PPFIA2: variants seen among roughly 807,000 people sequenced by gnomAD.
PPFIA2 encodes liprin-alpha-2.
A neutral mutation model predicts 175.5 loss-of-function variants in PPFIA2; 46 were observed. The observed-to-expected ratio is 0.26, with a 90% CI of 0.21 to 0.34. The LOEUF is 0.34. PPFIA2 is among the 10% of genes least tolerant of loss of function. The probability of loss-of-function intolerance (pLI) is 1.00; values close to 1 mark genes in which losing one functional copy is unlikely to be tolerated. For missense variants in PPFIA2, 1,179 were observed against 1,506.1 expected, an observed-to-expected ratio of 0.78 and a Z score of 3.60; for synonymous variants, 568 against 511.4, an observed-to-expected ratio of 1.11 and a Z score of -1.49.
chr12:81,351,318 T>C (rs1595364193), intron 17 of PPFIA2, among the ~76,000 whole-genome samples: 1 of 152,140 alleles, frequency 6.6e-6, no homozygotes, highest in Non-Finnish European at 1.5e-5. Context: ...CTCACAGATA[T>C]AGTAAGCCTT....
At chr12:81,294,038 CA>C (rs5799520) in intron 24 of PPFIA2, among the ~76,000 whole-genome samples, 138,174 of 151,894 alleles carry the variant, frequency 0.91, 63,545 homozygotes, top group South Asian at 0.98. Context: ...AACTTGGAAA[CA>C]AAAAAAAATC....
At chr12:81,535,994 T>TA (rs1007021961) in intron 4 of PPFIA2, among the ~76,000 whole-genome samples, 3 of 151,816 alleles carry the variant, frequency 2.0e-5, no homozygotes, top group East Asian at 3.9e-4. Context: ...AGGCAGGTCA[T>TA]AAAAAACAAG....
chr12:81,732,537 A>C (rs995785865), intron 3 of PPFIA2, among the ~76,000 whole-genome samples: 1 of 150,454 alleles, frequency 6.6e-6, no homozygotes, highest in Non-Finnish European at 1.5e-5. Context: ...AAACACTCAC[A>C]CACACAACAG....
chr12:81,273,700 A>C (rs1270498981), intron 28 of PPFIA2, among the ~76,000 whole-genome samples: 1 of 152,148 alleles, frequency 6.6e-6, no homozygotes, highest in Non-Finnish European at 1.5e-5. Context: ...TGTGGATAGA[A>C]TGATCTCATT....
intron 3 of PPFIA2, among the ~76,000 whole-genome samples, chr12:81,689,090 G>T (rs577676539): frequency 2.0e-5 from 3 of 149,472 alleles, no homozygotes; most frequent in East Asian, 4.1e-4. Context: ...GGAGGAATTA[G>T]ATAGAGCTAG....
chr12:81,569,273 A>G (rs745957304), intron 4 of PPFIA2, among the ~76,000 whole-genome samples: 8 of 152,098 alleles, frequency 5.3e-5, no homozygotes, highest in Non-Finnish European at 1.2e-4. Context: ...TTACAATTTG[A>G]AGAAACTTTA....
chr12:81,750,498 A>G (rs1219122343), intron 3 of PPFIA2, among the ~76,000 whole-genome samples: 1 of 106,744 alleles, frequency 9.4e-6, no homozygotes, highest in Non-Finnish European at 2.3e-5. Context: ...TTGGAGGTAG[A>G]TGATGACTGG....
At chr12:81,457,310 A>T (rs1486385198) in intron 5 of PPFIA2, among the ~76,000 whole-genome samples, 1 of 151,282 alleles carries the variant, frequency 6.6e-6, no homozygotes, top group Non-Finnish European at 1.5e-5. Context: ...TTTTAAAAAA[A>T]TCTTCTGCTG....
chr12:81,315,146 G>T (rs2052009156), intron 22 of PPFIA2, among the ~76,000 whole-genome samples: 1 of 151,800 alleles, frequency 6.6e-6, no homozygotes, highest in African/African-American at 2.4e-5. Flanking sequence ...ATCAGCAGAA[G>T]ATTCAAGTTT....
At chr12:81,270,386 C>A (rs1164603385) in intron 28 of PPFIA2, among the ~76,000 whole-genome samples, 1 of 152,084 alleles carries the variant, frequency 6.6e-6, no homozygotes, top group Non-Finnish European at 1.5e-5. Flanking sequence ...GCCCTAACTT[C>A]CAGTACCTAA....
chr12:81,580,719 T>G (rs1049349392), intron 4 of PPFIA2, among the ~76,000 whole-genome samples: 1 of 151,794 alleles, frequency 6.6e-6, no homozygotes, highest in Admixed American at 6.6e-5. Flanking sequence ...ATACTTCATA[T>G]TCTATAGAAA....
intron 4 of PPFIA2, among the ~76,000 whole-genome samples, chr12:81,601,531 C>CGAGT (rs1364542308): frequency 4.0e-5 from 6 of 151,858 alleles, no homozygotes; most frequent in Non-Finnish European, 1.5e-5. Flanking sequence ...AAAACACATC[C>CGAGT]CTTTAACTCA....
chr12:81,599,158 C>T (rs925958950), intron 4 of PPFIA2, among the ~76,000 whole-genome samples: 5 of 151,988 alleles, frequency 3.3e-5, no homozygotes, highest in Admixed American at 6.6e-5. Context: ...ATTTACACAT[C>T]GTTCAAATGT....
chr12:81,437,618 A>G (rs1319354108), intron 7 of PPFIA2, among the ~76,000 whole-genome samples: 4 of 152,180 alleles, frequency 2.6e-5, no homozygotes, highest in Admixed American at 2.0e-4. Context: ...TATCACGTTC[A>G]TATTAAGCCA....
At chr12:81,519,303 T>C (rs2062829958) in intron 4 of PPFIA2, among the ~76,000 whole-genome samples, 2 of 152,164 alleles carry the variant, frequency 1.3e-5, no homozygotes, top group African/African-American at 2.4e-5. Flanking sequence ...AATCTGTCTT[T>C]AAGGAAGGAT....
At chr12:81,367,222 T>G in intron 13 of PPFIA2, 52 bp from the exon 14 acceptor site, 2 of 1,114,502 alleles carry the variant, frequency 1.8e-6, no homozygotes, top group Non-Finnish European at 2.4e-6. Context: ...ATAAAATACT[T>G]AAAAATATAT....
intron 4 of PPFIA2, among the ~76,000 whole-genome samples, chr12:81,577,338 G>A (rs1305571246): frequency 6.6e-6 from 1 of 151,778 alleles, no homozygotes; most frequent in Non-Finnish European, 1.5e-5. Context: ...GTTCCCTCCT[G>A]TATGAAAGGT....
intron 4 of PPFIA2, among the ~76,000 whole-genome samples, chr12:81,514,845 A>G (rs931331422): frequency 3.8e-4 from 57 of 151,920 alleles, no homozygotes; most frequent in African/African-American, 1.4e-3. Context: ...GAAATAAATT[A>G]ACTCATTTAT....
chr12:81,683,857 C>T (rs2074050427), intron 3 of PPFIA2, among the ~76,000 whole-genome samples: 1 of 152,030 alleles, frequency 6.6e-6, no homozygotes, highest in Non-Finnish European at 1.5e-5. Flanking sequence ...TGCATCTGAG[C>T]AGGGCCTTAG....
Sources: allele counts gnomAD v4.1 joint callset (sites outside exome capture counted in the v4.1 genomes callset), GRCh38; gene constraint gnomAD v4.1.1; transcripts MANE v1.5; gene names NCBI Gene and HGNC (gene_info 2026-07-23, HGNC 2026-07-21).